The following SERPINB7 variants were observed in gnomAD, a reference collection of about 807,000 sequenced individuals.
The protein encoded by SERPINB7 is serpin family B member 7.
Under a neutral mutation model 37.4 loss-of-function variants are expected in SERPINB7, and 31 were observed. The observed-to-expected ratio is 0.83, with a 90% confidence interval of 0.62 to 1.12. SERPINB7 has a LOEUF of 1.12. SERPINB7 is among the 50% of genes most tolerant of loss of function. The pLI, the probability that SERPINB7 is intolerant of heterozygous loss-of-function variation, is 0.00. For synonymous variants in SERPINB7, 163 were observed against 166.1 expected, an observed-to-expected ratio of 0.98 and a Z score of 0.14; for missense variants, 521 against 455.3, an observed-to-expected ratio of 1.14 and a Z score of -1.31.
chr18:63,798,775 G>T, intron 6 of SERPINB7, 29 bp downstream of exon 6: 1 of 1,606,746 alleles, frequency 6.2e-7, no homozygotes, highest in South Asian at 1.1e-5. Flanking sequence ...ATTTAATTTA[G>T]AACTTTTCCA....
chr18:63,758,439 C>T lies in SERPINB7; in HGVS notation c.-19+5319C>T, dbSNP rs577987421. Among the ~76,000 whole-genome samples, 22 of 152,198 alleles carry T rather than the reference C, an allele frequency of 1.4e-4. No homozygotes were observed. The South Asian group carries it at 4.2e-3, about 29-fold the overall frequency. ...TAAAGTGAAGCAAAAATTCATGAAC[C>T]CTTTTCTTAAAGATGCTCTCTGATT... is the stretch of plus-strand genomic sequence containing the variant. On this transcript the variant is annotated intron_variant, in intron 1 of 7. Coordinates refer to the SERPINB7 transcript ENST00000336429.
rs779519511 is a variant in SERPINB7, at chr18:63,800,889, G to A, written c.621G>A (p.Met207Ile). 8.7e-6 allele frequency: 14 copies of A among 1,613,860 alleles called. No homozygotes were observed. The East Asian group carries it at 2.5e-4, about 28-fold the overall frequency. Residue 207 changes from methionine (M) to isoleucine (I), a missense_variant, in exon 7 of 8, where the codon ATG becomes ATA. Transcript: ENST00000398019. ...SPKCSGKAVA[M>I]MHQERKFNLS... ...AGTGCTCTGGGAAGGCAGTCGCCAT[G>A]ATGCATCAGGAACGGAAGTTCAATT...
At chr18:63,804,144 C>T (rs369013751) in intron 7 of SERPINB7, 93 bp from the exon 8 acceptor site, 40 of 914,326 alleles carry the variant, frequency 4.4e-5, no homozygotes, top group East Asian at 5.2e-5. Context: ...ATCCAGGAAG[C>T]GATAATTATA....
chr18:63,779,620 T>C lies in SERPINB7; in HGVS notation c.-18-2735T>C, dbSNP rs2049282299. Among the ~76,000 whole-genome samples the C allele has an allele frequency of 2.6e-5, 4 of 152,012 alleles. No individual in the cohort carries two copies. In the South Asian group the frequency reaches 8.3e-4, roughly 32 times the overall value. On this transcript the variant is annotated intron_variant, in intron 1 of 7. Transcript: ENST00000398019. Reference sequence around the variant, plus strand: ...TTATCTAGGAATGTCTTGGCTCATGTTTCTCTGTCGTGATTTTTTTTTTCT... The same window carrying C: ...TTATCTAGGAATGTCTTGGCTCATGCTTCTCTGTCGTGATTTTTTTTTTCT...
chr18:63,800,816 A>C, intron 6 of SERPINB7, 50 bp from the exon 7 acceptor site: 1 of 1,597,330 alleles, frequency 6.3e-7, no homozygotes, highest in Non-Finnish European at 8.5e-7. Context: ...TTGGTTAATA[A>C]AGTAAAATGA....
intron 2 of SERPINB7, among the ~76,000 whole-genome samples, chr18:63,783,284 AAGAAAG>A (rs1405899885): frequency 6.8e-5 from 9 of 132,982 alleles, no homozygotes; most frequent in African/African-American, 2.4e-4. Context: ...GAAAGAAAGA[AAGAAAG>A]AAAGAAATGC....
chr18:63,785,768 A>T (rs1333709517), intron 2 of SERPINB7, among the ~76,000 whole-genome samples: 1 of 151,192 alleles, frequency 6.6e-6, no homozygotes, highest in East Asian at 1.9e-4. Flanking sequence ...TTTAGATCTA[A>T]TAATGCTGTT....
At chr18:63,781,288 C>G (rs1287174920) in intron 1 of SERPINB7, among the ~76,000 whole-genome samples, 1 of 152,128 alleles carries the variant, frequency 6.6e-6, no homozygotes, top group East Asian at 1.9e-4. Flanking sequence ...TATGCTAGAT[C>G]CTGTACATAG....
intron 2 of SERPINB7, among the ~76,000 whole-genome samples, chr18:63,784,121 C>G (rs1230537752): frequency 1.3e-5 from 2 of 152,146 alleles, no homozygotes; most frequent in Non-Finnish European, 2.9e-5. Context: ...TTGATATTCA[C>G]ATTGACACAC....
intron 1 of SERPINB7, among the ~76,000 whole-genome samples, chr18:63,759,428 G>T (rs989051846): frequency 6.6e-6 from 1 of 152,046 alleles, no homozygotes; most frequent in African/African-American, 2.4e-5. Flanking sequence ...GCCTCTCTGG[G>T]TGCATATGTA....
At chr18:63,794,045 G>A (rs1240650394) in intron 4 of SERPINB7, among the ~76,000 whole-genome samples, 1 of 151,210 alleles carries the variant, frequency 6.6e-6, no homozygotes, top group South Asian at 2.1e-4. Context: ...TCGGGTTCAA[G>A]CGATTCTCCT....
chr18:63,804,750 T>C lies in SERPINB7; in HGVS notation c.*115T>C. 1.8e-6 allele frequency: 2 copies of C among 1,127,558 alleles called. No individual in the cohort carries two copies. Among genetic ancestry groups the C allele is most frequent in the South Asian group, 1.6e-5 (1 of 64,152 alleles). 69.8% of individuals were successfully genotyped at this position (1,127,558 alleles called of 1,614,324 possible). Reference sequence around the variant, plus strand: ...TGTTTCCTTTGAGTTTATTTCTTCCTAACATTGGTCAGCAGATGACACTGG... The same window carrying C: ...TGTTTCCTTTGAGTTTATTTCTTCCCAACATTGGTCAGCAGATGACACTGG... On this transcript the variant is annotated 3_prime_UTR_variant, in exon 8 of 8. Coordinates refer to ENST00000398019, the MANE Select transcript of SERPINB7 (RefSeq NM_003784.4).
rs1029848952 is a variant in SERPINB7, at chr18:63,796,105, T to C, written c.337-161T>C. ...TCAACTTCAGATACACCAGATCCCC[T>C]TCCAGTCCCATTTCCATATATCCCT... is the stretch of plus-strand genomic sequence containing the variant. On this transcript the variant is annotated intron_variant, in intron 4 of 7. Coordinates refer to ENST00000398019, the MANE Select transcript of SERPINB7 (RefSeq NM_003784.4). Among the ~76,000 whole-genome samples, 6 of 152,314 alleles carry C rather than the reference T, an allele frequency of 3.9e-5. No individual in the cohort carries two copies. The East Asian group carries it at 1.2e-3, about 29-fold the overall frequency.
intron 1 of SERPINB7, among the ~76,000 whole-genome samples, chr18:63,781,618 T>C (rs2049301320): frequency 6.6e-6 from 1 of 152,226 alleles, no homozygotes; most frequent in Admixed American, 6.5e-5. Flanking sequence ...TCCATGGTGG[T>C]AGCAACCGTC....
chr18:63,770,976 G>GAGA (rs142412640), upstream of SERPINB7, among the ~76,000 whole-genome samples: 3,479 of 145,094 alleles, frequency 0.024, 60 homozygotes, highest in African/African-American at 0.041. Context: ...CTGATAGTCT[G>GAGA]AGATGTTGCC....
rs567863312 is a variant in SERPINB7 at position 63,804,903 on chromosome 18, C to T, written c.*268C>T. 259 of 424,142 alleles carry T rather than the reference C, an allele frequency of 6.1e-4. 6 individuals carry two copies. In the South Asian group the frequency reaches 0.012, roughly 19 times the overall value. 26.3% of individuals were successfully genotyped at this position (424,142 alleles called of 1,614,324 possible). On this transcript the variant is annotated 3_prime_UTR_variant, in exon 8 of 8. Coordinates refer to ENST00000398019, the MANE Select transcript of SERPINB7 (RefSeq NM_003784.4). ...CCACGCTCATTTCTATCATTCTCCC[C>T]CATGACCCGTCTGGAAATTATGGAG...
In SERPINB7 at chr18:63,754,880, C is replaced by CTTTTTTTT. The variant is rs71162676; in HGVS notation, c.-19+1783_-19+1790dup. Among the ~76,000 whole-genome samples the CTTTTTTTT allele has an allele frequency of 5.2e-4, 30 of 57,980 alleles. 3 individuals carry two copies. Among genetic ancestry groups the CTTTTTTTT allele is most frequent in the Non-Finnish European group, 6.8e-4 (23 of 33,798 alleles). The allele number at this position is 57,980 out of a possible 152,430, so 38.0% of individuals were successfully genotyped here. On this transcript the variant is annotated intron_variant, in intron 1 of 7. Transcript: ENST00000336429. ...TGCCCAGCATTGTTTAAACTGAGGT[C>CTTTTTTTT]TTTTTTTTTTTTTTTTTTTTTTTTT...
intron 1 of SERPINB7, among the ~76,000 whole-genome samples, chr18:63,766,830 C>T (rs73469957): frequency 0.031 from 4,724 of 152,238 alleles, 121 homozygotes; most frequent in African/African-American, 0.066. Context: ...ATTATCAAAA[C>T]AACTTTCAAT....
chr18:63,779,930 A>G (rs907432318), intron 1 of SERPINB7, among the ~76,000 whole-genome samples: 4 of 152,162 alleles, frequency 2.6e-5, no homozygotes, highest in Non-Finnish European at 5.9e-5. Flanking sequence ...TGGAACTTGA[A>G]CAAAGAAAAA....
Sources: gnomAD v4.1 joint callset for allele counts (sites outside exome capture counted in the v4.1 genomes callset) on GRCh38, gnomAD v4.1.1 for gene constraint, MANE v1.5 for transcripts, NCBI Gene and HGNC (gene_info 2026-07-23, HGNC 2026-07-21) for gene names.